The following PLCL2 variants were observed in gnomAD, a reference collection of about 807,000 sequenced individuals.
PLCL2 encodes the protein phospholipase C like 2.
PLCL2 carries 4 observed loss-of-function variants against 79.6 expected under a neutral mutation model. That is an observed-to-expected ratio of 0.05 (90% CI 0.02 to 0.11). The LOEUF is 0.11. PLCL2 is among the 10% of genes least tolerant of loss of function. PLCL2 has a pLI of 1.00. For synonymous variants in PLCL2, 484 were observed against 457.7 expected (o/e 1.06, Z -0.73); for missense variants, 895 against 1,291.0 (o/e 0.69, Z 4.70).
Position 17,090,152 on chromosome 3 carries a change from G to A in PLCL2, c.*240G>A. 8.3e-7 allele frequency: 1 copy of A among 1,201,798 alleles called. No individual in the cohort carries two copies. Among genetic ancestry groups the A allele is most frequent in the Non-Finnish European group, 1.0e-6 (1 of 967,168 alleles). The allele number at this position is 1,201,798 out of a possible 1,614,324, so 74.4% of individuals were successfully genotyped here. On this transcript the variant is annotated 3_prime_UTR_variant, in exon 6 of 6. Transcript: ENST00000615277. ...AAAATATGCTATATTTGTATACAAA[G>A]ACATTCTAACTCAGTTCCAGTATGA... is the stretch of plus-strand genomic sequence containing the variant.
chr3:16,918,499 T>G (rs1441541084), intron 1 of PLCL2, among the ~76,000 whole-genome samples: 1 of 152,134 alleles, frequency 6.6e-6, no homozygotes, highest in African/African-American at 2.4e-5. Context: ...AGGAAAATAG[T>G]CTCTTTATGC....
At chr3:16,949,461 T>A (rs1410503591) in intron 1 of PLCL2, among the ~76,000 whole-genome samples, 2 of 152,238 alleles carry the variant, frequency 1.3e-5, no homozygotes, top group Admixed American at 1.3e-4. Context: ...TATCCATTTT[T>A]AAATATTTGT....
At chr3:17,029,043 A>T (rs1260465611) in intron 3 of PLCL2, among the ~76,000 whole-genome samples, 1 of 152,106 alleles carries the variant, frequency 6.6e-6, no homozygotes, top group Non-Finnish European at 1.5e-5. Context: ...GGGGGCGCAG[A>T]GGGTAGAGTG....
At chr3:16,953,417 G>A (rs558388556) in intron 1 of PLCL2, among the ~76,000 whole-genome samples, 50 of 152,268 alleles carry the variant, frequency 3.3e-4, no homozygotes, top group African/African-American at 1.2e-3. Flanking sequence ...TTATATCACT[G>A]TAATACTGTT....
chr3:17,065,312 T>A (rs1261048631), intron 4 of PLCL2, among the ~76,000 whole-genome samples: 1 of 152,200 alleles, frequency 6.6e-6, no homozygotes, highest in Non-Finnish European at 1.5e-5. Context: ...ATCTATATCA[T>A]TTTTTATCCT....
At chr3:16,960,340 G>A (rs1054652836) in intron 1 of PLCL2, among the ~76,000 whole-genome samples, 3 of 152,142 alleles carry the variant, frequency 2.0e-5, no homozygotes, top group African/African-American at 7.2e-5. Context: ...ACCTCGCCTG[G>A]CCTTCTGCCT....
chr3:17,072,344 T>G (rs986726124), intron 5 of PLCL2, among the ~76,000 whole-genome samples: 4 of 152,090 alleles, frequency 2.6e-5, no homozygotes, highest in African/African-American at 9.7e-5. Flanking sequence ...ATGTTTTAGT[T>G]ATAAGTATTG....
chr3:17,027,159 A>G (rs1194114190), intron 3 of PLCL2, among the ~76,000 whole-genome samples: 1 of 152,190 alleles, frequency 6.6e-6, no homozygotes, highest in East Asian at 1.9e-4. Flanking sequence ...TGCATGTCGC[A>G]TATCAAACTA....
At chr3:17,056,923 G>C (rs1163927313) in intron 4 of PLCL2, among the ~76,000 whole-genome samples, 1 of 152,124 alleles carries the variant, frequency 6.6e-6, no homozygotes, top group East Asian at 1.9e-4. Flanking sequence ...TAAGCAGAAG[G>C]AACAGGGCAT....
At chr3:16,979,777 T>C (rs1420443571) in intron 1 of PLCL2, among the ~76,000 whole-genome samples, 39 of 148,686 alleles carry the variant, frequency 2.6e-4, no homozygotes, top group Admixed American at 2.1e-3. Context: ...TTCTCAATCT[T>C]TTCCCCACCT....
chr3:17,062,161 C>A (rs2064959602), intron 4 of PLCL2, among the ~76,000 whole-genome samples: 1 of 152,154 alleles, frequency 6.6e-6, no homozygotes, highest in African/African-American at 2.4e-5. Flanking sequence ...ACCAGGCCAG[C>A]CAGGTCTTTT....
chr3:16,895,467 T>G (rs188855510), intron 1 of PLCL2, among the ~76,000 whole-genome samples: 2 of 152,306 alleles, frequency 1.3e-5, no homozygotes, highest in African/African-American at 4.8e-5. Context: ...TATTTGAAAA[T>G]AGAATCTCTT....
chr3:17,001,133 G>A lies in PLCL2; in HGVS notation c.328-8541G>A, dbSNP rs80227410. Among the ~76,000 whole-genome samples the A allele has an allele frequency of 1.0e-2, 1,515 of 152,030 alleles. 28 individuals are homozygous for A. Among genetic ancestry groups the A allele is most frequent in the African/African-American group, 0.034 (1,401 of 41,494 alleles). ...GGGATGCGATGATATCCTCATTGTG[G>A]TTTTGATAAGCATTTCCCTGATGAT... On this transcript the variant is annotated intron_variant, in intron 1 of 5. Coordinates refer to ENST00000615277, the MANE Select transcript of PLCL2 (RefSeq NM_001144382.2).
At chr3:16,958,567 A>G (rs1030897977) in intron 1 of PLCL2, among the ~76,000 whole-genome samples, 3 of 152,206 alleles carry the variant, frequency 2.0e-5, no homozygotes, top group African/African-American at 7.2e-5. Context: ...GACATTTTGG[A>G]TGATGAAACA....
chr3:17,017,292 T>C (rs78080720), intron 3 of PLCL2, among the ~76,000 whole-genome samples: 1 of 152,244 alleles, frequency 6.6e-6, no homozygotes, highest in African/African-American at 2.4e-5. Flanking sequence ...TAATGTATAA[T>C]TGAAATAGCT....
At chr3:17,072,489 C>T (rs1056245627) in intron 5 of PLCL2, among the ~76,000 whole-genome samples, 6 of 151,838 alleles carry the variant, frequency 4.0e-5, no homozygotes, top group African/African-American at 1.2e-4. Flanking sequence ...GCCAACATGA[C>T]GAAACCCCGT....
chr3:16,954,347 G>T (rs535958847), intron 1 of PLCL2, among the ~76,000 whole-genome samples: 7 of 152,290 alleles, frequency 4.6e-5, no homozygotes, highest in African/African-American at 1.7e-4. Flanking sequence ...CCCTGCAAAG[G>T]ACATGCACTC....
intron 1 of PLCL2, among the ~76,000 whole-genome samples, chr3:16,925,954 G>A (rs901832067): frequency 6.6e-6 from 1 of 152,108 alleles, no homozygotes; most frequent in African/African-American, 2.4e-5. Context: ...CTGTGAGATT[G>A]TTTTCTAAAG....
chr3:16,953,597 C>CA (rs1173062660), intron 1 of PLCL2, among the ~76,000 whole-genome samples: 2 of 152,048 alleles, frequency 1.3e-5, no homozygotes, highest in Non-Finnish European at 2.9e-5. Context: ...TGCTAGAAGT[C>CA]AAATGGTTGG....
Sources: gnomAD v4.1 joint callset for allele counts (sites outside exome capture counted in the v4.1 genomes callset) on GRCh38, gnomAD v4.1.1 for gene constraint, MANE v1.5 for transcripts, NCBI Gene and HGNC (gene_info 2026-07-23, HGNC 2026-07-21) for gene names.